The following DNAH6 variants were observed in gnomAD, a reference collection of about 807,000 sequenced individuals.
DNAH6 encodes dynein axonemal heavy chain 6, also known as axonemal beta dynein heavy chain 6.
DNAH6 carries 340 observed loss-of-function variants against 491.4 expected under a neutral mutation model. The observed-to-expected ratio is 0.69, with a 90% confidence interval of 0.63 to 0.76. The LOEUF (loss-of-function observed/expected upper bound fraction) is 0.76, where lower values mean the gene tolerates loss of function less well. Ranked by LOEUF, DNAH6 falls within the 30% of genes least tolerant of loss-of-function variation. DNAH6 has a pLI of 0.00. For missense variants in DNAH6, 4,443 were observed against 4,972.2 expected (o/e 0.89, Z 3.20); for synonymous variants, 1,603 against 1,686.1 (o/e 0.95, Z 1.21).
Position 84,640,418 on chromosome 2 carries a change from T to G in DNAH6, c.4822-12T>G. On this transcript the variant is annotated splice_polypyrimidine_tract_variant and intron_variant, in intron 31 of 76. Transcript: ENST00000389394. ...CAATATAATAAGCATTGCATTATTT[T>G]TTCTATTCTAGGTAATTCTATATTC... The G allele has an allele frequency of 7.0e-7, 1 of 1,431,020 alleles. No homozygotes were observed. Among genetic ancestry groups the G allele is most frequent in the Non-Finnish European group, 9.6e-7 (1 of 1,040,290 alleles). 88.6% of individuals were successfully genotyped at this position (1,431,020 alleles called of 1,614,324 possible).
At chr2:84,750,366 G>T (rs561109592) in intron 63 of DNAH6, among the ~76,000 whole-genome samples, 1 of 151,914 alleles carries the variant, frequency 6.6e-6, no homozygotes, top group Non-Finnish European at 1.5e-5. Context: ...TATTCTTTTT[G>T]TAGAAATGGG....
chr2:84,705,365 G>C, intron 51 of DNAH6, 121 bp from the exon 52 acceptor site: 1 of 1,020,320 alleles, frequency 9.8e-7, no homozygotes. Context: ...TAAAATTATA[G>C]TACCAAGATT....
intron 24 of DNAH6, among the ~76,000 whole-genome samples, chr2:84,620,185 G>A (rs374008925): frequency 1.9e-4 from 29 of 152,272 alleles, no homozygotes; most frequent in East Asian, 1.5e-3. Flanking sequence ...CAAGAGGCAC[G>A]CTAGTGGACT....
intron 26 of DNAH6, among the ~76,000 whole-genome samples, chr2:84,623,336 C>T (rs552485248): frequency 1.3e-4 from 20 of 152,208 alleles, no homozygotes; most frequent in East Asian, 1.2e-3. Context: ...TATTTACAAA[C>T]GGTATATCTT....
intron 4 of DNAH6, among the ~76,000 whole-genome samples, chr2:84,542,134 C>G (rs1039143785): frequency 2.6e-5 from 4 of 152,174 alleles, no homozygotes; most frequent in Non-Finnish European, 5.9e-5. Context: ...TGGACCACAG[C>G]TACCATCTTC....
At chr2:84,652,534 G>A (rs1019609309) in intron 33 of DNAH6, among the ~76,000 whole-genome samples, 1 of 152,010 alleles carries the variant, frequency 6.6e-6, no homozygotes, top group African/African-American at 2.4e-5. Flanking sequence ...TTATCTCACA[G>A]AAGTTTGATT....
Position 84,812,517 on chromosome 2 carries a change from A to G in DNAH6, c.11916A>G (p.Ser3972=), listed in dbSNP as rs2105339137. Reference sequence around the variant, plus strand: ...TCAAAGACCTTATCCTGAGGACCTCATTTGTGGATGTAAGAAAATTCCTTT... The same window carrying G: ...TCAAAGACCTTATCCTGAGGACCTCGTTTGTGGATGTAAGAAAATTCCTTT... ...SWVKDLILRT[S]FVDLWLKRGQ... Residue 3972 remains serine, a synonymous_variant, in exon 73 of 77, where the codon TCA becomes TCG. Coordinates refer to ENST00000389394, the MANE Select transcript of DNAH6 (RefSeq NM_001370.2). 1.9e-6 allele frequency: 3 copies of G among 1,546,540 alleles called. No homozygotes were observed. In the African/African-American group the frequency reaches 4.1e-5, roughly 21 times the overall value.
At chr2:84,615,786 T>G (rs1000277262) in intron 22 of DNAH6, among the ~76,000 whole-genome samples, 11 of 151,660 alleles carry the variant, frequency 7.3e-5, no homozygotes, top group Non-Finnish European at 1.6e-4. Context: ...ATTTTTTTTT[T>G]GCAGCTATTG....
At chr2:84,497,961 A>G in the DNAH6 span, among the ~76,000 whole-genome samples, 1 of 152,208 alleles carries the variant, frequency 6.6e-6, no homozygotes, top group Admixed American at 6.5e-5. Flanking sequence ...CATCCCTAGA[A>G]GAGGTCTTGG....
chr2:84,624,684 A>C (rs1687696047), intron 28 of DNAH6, 64 bp downstream of exon 28: 1 of 1,488,774 alleles, frequency 6.7e-7, no homozygotes, highest in South Asian at 1.3e-5. Flanking sequence ...AAGTCTTGAA[A>C]AGTTTCATAT....
chr2:84,624,843 G>A, intron 28 of DNAH6, 59 bp from the exon 29 acceptor site: 1 of 1,452,230 alleles, frequency 6.9e-7, no homozygotes, highest in East Asian at 2.5e-5. Flanking sequence ...GAGAGGAAAT[G>A]CCTTAATTTG....
At chr2:84,706,398 T>C (rs1465413947) in intron 52 of DNAH6, among the ~76,000 whole-genome samples, 2 of 152,238 alleles carry the variant, frequency 1.3e-5, no homozygotes, top group East Asian at 3.8e-4. Context: ...CACACAGTTA[T>C]CACATTTCAT....
chr2:84,494,927 C>G, the DNAH6 span, among the ~76,000 whole-genome samples: 1 of 152,102 alleles, frequency 6.6e-6, no homozygotes, highest in Non-Finnish European at 1.5e-5. Flanking sequence ...CTAGCAAGCT[C>G]TCAGGTGATG....
intron 4 of DNAH6, among the ~76,000 whole-genome samples, chr2:84,534,388 T>A (rs1305087986): frequency 6.6e-6 from 1 of 152,156 alleles, no homozygotes; most frequent in African/African-American, 2.4e-5. Context: ...TAAGACTGTG[T>A]AGTCCCCGCT....
In DNAH6 at chr2:84,694,404, A is replaced by G. The variant is rs200809496; in HGVS notation, c.7448A>G (p.His2483Arg). 9 of 1,552,350 alleles carry G rather than the reference A, an allele frequency of 5.8e-6. No individual in the cohort carries two copies. The highest frequency in any genetic ancestry group is 4.1e-5 in the African/African-American group (3 of 73,190). Reference protein sequence around the residue: ...LSRGYNYDSFHEDLRKLYKMA... With the variant: ...LSRGYNYDSFREDLRKLYKMA... ...CGGGGATATAATTATGATAGTTTTCATGAAGACCTGAGGAAGTTGTACAAA... is the reference window on the plus strand; with the variant it reads ...CGGGGATATAATTATGATAGTTTTCGTGAAGACCTGAGGAAGTTGTACAAA... Residue 2483 changes from histidine (H) to arginine (R), a missense_variant, in exon 46 of 77, where the codon CAT becomes CGT. Around this residue, in one of 3 missense-constraint regions of DNAH6, gnomAD observed 2,977 missense variants for 3,296.6 expected, o/e 0.90. Coordinates refer to ENST00000389394, the MANE Select transcript of DNAH6 (RefSeq NM_001370.2).
the DNAH6 span, among the ~76,000 whole-genome samples, chr2:84,500,645 G>T: frequency 6.6e-6 from 1 of 152,058 alleles, no homozygotes; most frequent in Non-Finnish European, 1.5e-5. Flanking sequence ...TAACAATATT[G>T]ATTCTTCCAA....
At chr2:84,514,941 G>A (rs924212281), upstream of DNAH6, among the ~76,000 whole-genome samples, 3 of 150,050 alleles carry the variant, frequency 2.0e-5, no homozygotes, top group Non-Finnish European at 3.0e-5. Context: ...CATGGTAACA[G>A]TTGTGTACAA....
intron 67 of DNAH6, among the ~76,000 whole-genome samples, chr2:84,786,492 A>G (rs1054328657): frequency 6.6e-6 from 1 of 151,414 alleles, no homozygotes; most frequent in Non-Finnish European, 1.5e-5. Context: ...GTCTTAGAGG[A>G]GGTCTGACAG....
At chr2:84,792,343 T>C (rs1351520852) in intron 68 of DNAH6, among the ~76,000 whole-genome samples, 3 of 152,214 alleles carry the variant, frequency 2.0e-5, no homozygotes, top group Admixed American at 2.0e-4. Flanking sequence ...TTTTGTACTT[T>C]AAATTAATTT....
Sources: allele counts gnomAD v4.1 joint callset (sites outside exome capture counted in the v4.1 genomes callset), GRCh38; gene constraint gnomAD v4.1.1; regional missense constraint gnomAD v4.1.1; transcripts MANE v1.5; gene names NCBI Gene and HGNC (gene_info 2026-07-23, HGNC 2026-07-21).